PHF11: variants seen among roughly 807,000 people sequenced by gnomAD.
PHF11 encodes the protein BRCA1 C-terminus-associated protein.
PHF11 carries 38 observed loss-of-function variants against 40.5 expected under a neutral mutation model. The ratio of observed to expected loss-of-function variants is 0.94; its 90% CI spans 0.72 to 1.23. The LOEUF (loss-of-function observed/expected upper bound fraction) is 1.23, where lower values mean the gene tolerates loss of function less well. Ranked by LOEUF, PHF11 falls within the 50% of genes most tolerant of loss-of-function variation. PHF11 has a pLI of 0.00. For synonymous variants in PHF11, 127 were observed against 138.2 expected (o/e 0.92, Z 0.57); for missense variants, 369 against 392.4 (o/e 0.94, Z 0.50).
intron 3 of PHF11, among the ~76,000 whole-genome samples, chr13:49,513,578 G>A (rs1156908936): frequency 6.6e-6 from 1 of 152,082 alleles, no homozygotes; most frequent in Non-Finnish European, 1.5e-5. Context: ...TGATCTGCCT[G>A]CCTTGGCTTC....
chr13:49,526,322 A>G, intron 8 of PHF11, 65 bp from the exon 9 acceptor site: 1 of 990,202 alleles, frequency 1.0e-6, no homozygotes, highest in Non-Finnish European at 1.6e-6. Context: ...TGGATTACAT[A>G]TATAAATGGA....
chr13:49,496,447 C>G (rs1230208761), intron 1 of PHF11: 2 of 1,035,810 alleles, frequency 1.9e-6, no homozygotes, highest in East Asian at 1.5e-4. Context: ...CTCCGCTCAC[C>G]GGTAAACCAG....
intron 1 of PHF11, among the ~76,000 whole-genome samples, chr13:49,505,197 A>G (rs544918612): frequency 1.1e-4 from 16 of 151,750 alleles, no homozygotes; most frequent in African/African-American, 3.6e-4. Flanking sequence ...ACATGAATGA[A>G]AAAAACAGCT....
chr13:49,524,210 G>C lies in PHF11; in HGVS notation c.763G>C (p.Glu255Gln), dbSNP rs1480233536. The change falls in exon 8 of 10, where the codon GAA becomes CAA. Residue 255 changes from glutamate to glutamine, a missense_variant. Glu to Gln is a conservative substitution (Grantham distance 29). Transcript: ENST00000378319. The stretch of plus-strand genomic sequence containing the variant: ...AAAACTCATGGATGAGACTACTTCA[G>C]AATCAGGTACTGATGAAGAGCAATA... ...PEKLMDETTS[E>Q]SDYEEIGSAL... 6.2e-7 allele frequency: 1 copy of C among 1,605,220 alleles called. No individual in the cohort carries two copies. Among genetic ancestry groups the C allele is most frequent in the South Asian group, 1.1e-5 (1 of 90,310 alleles).
chr13:49,526,306 CT>C (rs1959273061), intron 8 of PHF11, 80 bp from the exon 9 acceptor site: 1 of 849,940 alleles, frequency 1.2e-6, no homozygotes, highest in Non-Finnish European at 2.0e-6. Context: ...TTCCTTTCCC[CT>C]GTTTTGGATT....
At chr13:49,526,125 C>T (rs1039715857) in intron 8 of PHF11, 3 of 403,154 alleles carry the variant, frequency 7.4e-6, no homozygotes, top group Non-Finnish European at 1.4e-5. Flanking sequence ...GCCAAGATCG[C>T]ACCACTGCAC....
At chr13:49,496,244 G>A in intron 1 of PHF11, 149 bp downstream of exon 1, 1 of 648,312 alleles carries the variant, frequency 1.5e-6, no homozygotes, top group Non-Finnish European at 2.2e-6. Context: ...GGCGCTGGAC[G>A]AACTTGGCTC....
At chr13:49,518,834 ATTT>A (rs11402611) in intron 4 of PHF11, 18 of 128,670 alleles carry the variant, frequency 1.4e-4, no homozygotes, top group Admixed American at 2.4e-4. Flanking sequence ...TTGCTAAATA[ATTT>A]TTTTTTTTTT....
intron 1 of PHF11, among the ~76,000 whole-genome samples, chr13:49,499,167 G>A (rs756822474): frequency 6.6e-5 from 10 of 152,212 alleles, no homozygotes; most frequent in Non-Finnish European, 1.3e-4. Context: ...TGGTATAGAA[G>A]ATGGCTGCCC....
chr13:49,496,402 TTCCAC>T, intron 1 of PHF11: 1 of 1,114,356 alleles, frequency 9.0e-7, no homozygotes, highest in Non-Finnish European at 1.1e-6. Flanking sequence ...AGCCCAGTGC[TTCCAC>T]CACAACCGAT....
chr13:49,504,068 A>ATATC (rs961245468), intron 1 of PHF11, among the ~76,000 whole-genome samples: 1 of 152,138 alleles, frequency 6.6e-6, no homozygotes, highest in African/African-American at 2.4e-5. Flanking sequence ...GTTTTCAGTG[A>ATATC]TATCTGTGGC....
intron 2 of PHF11, among the ~76,000 whole-genome samples, chr13:49,507,019 T>C (rs559397477): frequency 1.4e-5 from 2 of 145,980 alleles, no homozygotes; most frequent in Non-Finnish European, 3.0e-5. Flanking sequence ...TTCTCCTGCC[T>C]CAGCCTCCCG....
intron 1 of PHF11, among the ~76,000 whole-genome samples, chr13:49,501,017 G>GTTTTTTTTTTTTTTTTTTTTTTTTTTTT (rs1491587127): frequency 9.2e-6 from 1 of 108,824 alleles, no homozygotes; most frequent in Non-Finnish European, 1.7e-5. Flanking sequence ...TTTTTTTTTG[G>GTTTTTTTTTTTTTTTTTTTTTTTTTTTT]TTTTTTTTTT....
intron 1 of PHF11, among the ~76,000 whole-genome samples, chr13:49,498,247 G>C (rs1349693527): frequency 2.0e-5 from 3 of 152,212 alleles, no homozygotes; most frequent in Non-Finnish European, 2.9e-5. Flanking sequence ...GAATGTACTT[G>C]TATATAACAC....
intron 8 of PHF11, 91 bp downstream of exon 8, chr13:49,524,307 A>C: frequency 9.9e-7 from 1 of 1,005,040 alleles, no homozygotes; most frequent in East Asian, 2.6e-5. Context: ...AAAAAGGCCC[A>C]TTTTCTTCCT....
chr13:49,511,281 T>C (rs981322278), intron 2 of PHF11, among the ~76,000 whole-genome samples: 9 of 151,992 alleles, frequency 5.9e-5, no homozygotes, highest in Non-Finnish European at 1.0e-4. Flanking sequence ...ATATGAGTCT[T>C]TGTGTCTTTA....
At chr13:49,509,891 C>A (rs1412348033) in intron 2 of PHF11, among the ~76,000 whole-genome samples, 1 of 152,184 alleles carries the variant, frequency 6.6e-6, no homozygotes, top group African/African-American at 2.4e-5. Context: ...TGAGAACTGA[C>A]TAATACACAA....
chr13:49,497,797 C>T (rs1027152017), intron 1 of PHF11, among the ~76,000 whole-genome samples: 1 of 152,184 alleles, frequency 6.6e-6, no homozygotes, highest in Non-Finnish European at 1.5e-5. Context: ...CTCTGCTACC[C>T]TGCTACCTTG....
intron 1 of PHF11, among the ~76,000 whole-genome samples, chr13:49,505,506 A>C (rs918776776): frequency 3.3e-5 from 5 of 152,240 alleles, no homozygotes; most frequent in African/African-American, 1.2e-4. Flanking sequence ...ATTAAATGGT[A>C]AAATAAATCT....
Sources: allele counts gnomAD v4.1 joint callset (sites outside exome capture counted in the v4.1 genomes callset), GRCh38; gene constraint gnomAD v4.1.1; transcripts MANE v1.5; gene names NCBI Gene and HGNC (gene_info 2026-07-23, HGNC 2026-07-21).